SLC5A4: variants seen among roughly 807,000 people sequenced by gnomAD.
SLC5A4 encodes the protein probable glucose sensor protein SLC5A4.
Under a neutral mutation model 70.3 loss-of-function variants are expected in SLC5A4, and 55 were observed. The ratio of observed to expected loss-of-function variants is 0.78; its 90% confidence interval spans 0.63 to 0.98. SLC5A4 has a LOEUF of 0.98. Among genes scored for constraint, SLC5A4 ranks in the 50% least tolerant of loss-of-function variants. The probability of loss-of-function intolerance (pLI) is 0.00; values close to 1 mark genes in which losing one functional copy is unlikely to be tolerated. For synonymous variants in SLC5A4, 268 were observed against 305.7 expected (o/e 0.88, Z 1.29); for missense variants, 735 against 839.2 (o/e 0.88, Z 1.53).
the SLC5A4 span, among the ~76,000 whole-genome samples, chr22:32,333,205 C>CCCCG: frequency 6.7e-6 from 1 of 148,976 alleles, no homozygotes; most frequent in Non-Finnish European, 1.5e-5. Context: ...CACCCCCCCC[C>CCCCG]CAGAAGACTC....
At chr22:32,304,753 TC>T in the SLC5A4 span, among the ~76,000 whole-genome samples, 9 of 152,210 alleles carry the variant, frequency 5.9e-5, no homozygotes, top group African/African-American at 2.2e-4. Context: ...ACTTATCAAT[TC>T]TCTCTTTCAT....
intron 6 of SLC5A4, among the ~76,000 whole-genome samples, chr22:32,238,153 CAACAAGCAG>C (rs1926169991): frequency 6.6e-6 from 1 of 152,142 alleles, no homozygotes; most frequent in African/African-American, 2.4e-5. Context: ...CCAGCACCTG[CAACAAGCAG>C]GTGAAGCAAT....
chr22:32,258,233 T>C (rs540218912), upstream of SLC5A4, among the ~76,000 whole-genome samples: 2 of 152,256 alleles, frequency 1.3e-5, no homozygotes, highest in South Asian at 2.1e-4. Context: ...ATGTCATCTG[T>C]GAATAGAGAT....
At chr22:32,280,908 G>A in the SLC5A4 span, among the ~76,000 whole-genome samples, 12 of 152,152 alleles carry the variant, frequency 7.9e-5, 1 homozygote, top group African/African-American at 2.6e-4. Context: ...ACCATTCAGG[G>A]TCCCCTTCTC....
At chr22:32,266,977 A>C in the SLC5A4 span, among the ~76,000 whole-genome samples, 1 of 152,340 alleles carries the variant, frequency 6.6e-6, no homozygotes, top group African/African-American at 2.4e-5. Context: ...AGTAAGTTTG[A>C]CTAATTTTCT....
the SLC5A4 span, among the ~76,000 whole-genome samples, chr22:32,308,665 G>A: frequency 6.6e-6 from 1 of 152,130 alleles, no homozygotes; most frequent in Admixed American, 6.6e-5. Flanking sequence ...GATGATGAGG[G>A]GAGATGCCAC....
the SLC5A4 span, among the ~76,000 whole-genome samples, chr22:32,336,182 C>A: frequency 6.6e-6 from 1 of 152,042 alleles, no homozygotes; most frequent in South Asian, 2.1e-4. Flanking sequence ...TTACTGCCAC[C>A]GGCCCAACCA....
chr22:32,279,091 A>G, the SLC5A4 span, among the ~76,000 whole-genome samples: 3 of 152,140 alleles, frequency 2.0e-5, no homozygotes, highest in African/African-American at 7.2e-5. Context: ...CCTGGCTAAC[A>G]CGGTGAAACC....
the SLC5A4 span, among the ~76,000 whole-genome samples, chr22:32,318,754 A>C: frequency 6.6e-6 from 1 of 152,174 alleles, no homozygotes; most frequent in Non-Finnish European, 1.5e-5. Context: ...CCCTTTCCTC[A>C]AAACCCTCAG....
the SLC5A4 span, among the ~76,000 whole-genome samples, chr22:32,344,169 C>T: frequency 1.7e-3 from 257 of 152,224 alleles, no homozygotes; most frequent in Middle Eastern, 3.4e-3. Context: ...CAACGTGTGA[C>T]ATTGGATGAG....
chr22:32,237,068 G>A (rs561826535), intron 7 of SLC5A4, among the ~76,000 whole-genome samples, 176 bp downstream of exon 7: 1 of 152,208 alleles, frequency 6.6e-6, no homozygotes, highest in South Asian at 2.1e-4. Flanking sequence ...CTCATGCTGA[G>A]CTAATAAAGC....
chr22:32,283,908 A>C, the SLC5A4 span, among the ~76,000 whole-genome samples: 21 of 152,348 alleles, frequency 1.4e-4, no homozygotes, highest in Admixed American at 1.3e-3. Context: ...CATGCTGTGT[A>C]ATTTTATGCA....
the SLC5A4 span, among the ~76,000 whole-genome samples, chr22:32,279,496 AAT>A: frequency 6.6e-6 from 1 of 152,040 alleles, no homozygotes; most frequent in Non-Finnish European, 1.5e-5. Context: ...ACACAAAAAA[AAT>A]GTTAGTGTAG....
At chr22:32,325,971 G>A in the SLC5A4 span, among the ~76,000 whole-genome samples, 5 of 152,258 alleles carry the variant, frequency 3.3e-5, no homozygotes, top group Non-Finnish European at 5.9e-5. Context: ...GCCTGGAATC[G>A]GAAGCAGGGC....
At chr22:32,268,593 A>T in the SLC5A4 span, 7 of 152,450 alleles carry the variant, frequency 4.6e-5, no homozygotes, top group African/African-American at 1.7e-4. Context: ...AGAAATCTGT[A>T]AAATTTGCTC....
chr22:32,279,788 G>A, the SLC5A4 span, among the ~76,000 whole-genome samples: 2 of 152,148 alleles, frequency 1.3e-5, no homozygotes, highest in African/African-American at 4.8e-5. Context: ...GTGACCTCAA[G>A]AGCCTCCTCA....
the SLC5A4 span, among the ~76,000 whole-genome samples, chr22:32,302,456 A>AT: frequency 1.3e-5 from 2 of 152,166 alleles, no homozygotes; most frequent in South Asian, 4.1e-4. Context: ...TAACATTTAA[A>AT]TTTATATTCT....
At chr22:32,293,962 A>C in the SLC5A4 span, among the ~76,000 whole-genome samples, 1 of 151,998 alleles carries the variant, frequency 6.6e-6, no homozygotes, top group Non-Finnish European at 1.5e-5. Context: ...CAGTACTTTT[A>C]CTGTAGTTTG....
chr22:32,351,197 A>T, the SLC5A4 span, among the ~76,000 whole-genome samples: 1 of 152,202 alleles, frequency 6.6e-6, no homozygotes. Context: ...TATTACCTCC[A>T]TGCCTCTTGC....
Sources: allele counts gnomAD v4.1 joint callset (sites outside exome capture counted in the v4.1 genomes callset), GRCh38; gene constraint gnomAD v4.1.1; transcripts MANE v1.5; gene names NCBI Gene and HGNC (gene_info 2026-07-23, HGNC 2026-07-21).